Variants in CDH5 observed in about 807,000 individuals in gnomAD.
CDH5 encodes the protein cadherin 5.
CDH5 carries 28 observed loss-of-function variants against 62.0 expected under a neutral mutation model. That is an observed-to-expected ratio of 0.45 (90% confidence interval 0.33 to 0.62). The LOEUF (loss-of-function observed/expected upper bound fraction) is 0.62. Ranked by LOEUF, CDH5 falls within the 20% of genes least tolerant of loss-of-function variation. The pLI, the probability that CDH5 is intolerant of heterozygous loss-of-function variation, is 0.02. For missense variants in CDH5, 940 were observed against 1,065.1 expected (o/e 0.88, Z 1.63); for synonymous variants, 464 against 445.8 (o/e 1.04, Z -0.52).
At chr16:66,392,795 T>C in intron 7 of CDH5, 1 of 184,612 alleles carries the variant, frequency 5.4e-6, no homozygotes, top group East Asian at 1.6e-4. Flanking sequence ...TTTTATACAG[T>C]GAAACAACAC....
intron 2 of CDH5, among the ~76,000 whole-genome samples, chr16:66,386,439 T>A (rs2142325194): frequency 6.6e-6 from 1 of 152,218 alleles, no homozygotes; most frequent in Non-Finnish European, 1.5e-5. Flanking sequence ...CAACCTCCCC[T>A]CTTTTGGAGT....
chr16:66,386,161 T>G (rs960888823), intron 2 of CDH5, among the ~76,000 whole-genome samples: 3 of 152,154 alleles, frequency 2.0e-5, no homozygotes, highest in African/African-American at 7.2e-5. Context: ...ACTCAAAAAA[T>G]GTTTTCTAAG....
intron 1 of CDH5, among the ~76,000 whole-genome samples, chr16:66,369,376 T>C (rs1321089149): frequency 6.6e-6 from 1 of 152,176 alleles, no homozygotes; most frequent in East Asian, 1.9e-4. Flanking sequence ...ACCTGCACCC[T>C]TACTGAGCAC....
intron 1 of CDH5, among the ~76,000 whole-genome samples, chr16:66,378,698 C>A (rs573213985): frequency 3.9e-5 from 6 of 152,190 alleles, no homozygotes; most frequent in Non-Finnish European, 8.8e-5. Context: ...CCCACAGGCC[C>A]TCCTCTGGGC....
intron 1 of CDH5, among the ~76,000 whole-genome samples, chr16:66,373,635 T>C (rs1960732883): frequency 6.6e-6 from 1 of 152,118 alleles, no homozygotes; most frequent in Non-Finnish European, 1.5e-5. Context: ...CAGGCTGGTC[T>C]CGAACTCCTG....
At chr16:66,379,588 T>C in intron 2 of CDH5, 41 bp downstream of exon 2, 5 of 1,567,878 alleles carry the variant, frequency 3.2e-6, no homozygotes, top group Non-Finnish European at 4.4e-6. Flanking sequence ...CATCAGCAGC[T>C]GGCCCATAGT....
chr16:66,378,922 G>A (rs1960832869), intron 1 of CDH5, among the ~76,000 whole-genome samples: 1 of 152,216 alleles, frequency 6.6e-6, no homozygotes, highest in Non-Finnish European at 1.5e-5. Flanking sequence ...TTAGGCAGTG[G>A]CCACCATATA....
In CDH5 at chr16:66,402,659, C is replaced by G. The variant is rs1464312477; in HGVS notation, c.1845C>G (p.Thr615=). ...TCGGCTCCCTGGCTGCAGTGATCAC[C>G]CTGCTCATCTTCCTGCGGCGGCGGC... is the stretch of plus-strand genomic sequence containing the variant. ...LLCILTITVI[T]LLIFLRRRLR... Residue 615 remains threonine (T), a synonymous_variant, in exon 12 of 12, where the codon ACC becomes ACG. Transcript: ENST00000341529. The G allele has an allele frequency of 6.3e-7, 1 of 1,591,846 alleles. No individual in the cohort carries two copies. Among genetic ancestry groups the G allele is most frequent in the Non-Finnish European group, 8.5e-7 (1 of 1,170,992 alleles).
intron 7 of CDH5, chr16:66,395,568 T>C (rs1961170156): frequency 6.8e-6 from 1 of 147,774 alleles, no homozygotes; most frequent in Non-Finnish European, 1.5e-5. Flanking sequence ...TCCTCATTAA[T>C]AGCAACTATT....
chr16:66,403,357 G>A lies in CDH5; in HGVS notation c.*188G>A, dbSNP rs1165276462. ...GTTCCTGAAATATCCAGGAATATAT[G>A]TCAGTGATGACTATTCTCAAATGCT... is the stretch of plus-strand genomic sequence containing the variant. On this transcript the variant is annotated 3_prime_UTR_variant, in exon 12 of 12. Coordinates refer to ENST00000341529, the MANE Select transcript of CDH5 (RefSeq NM_001795.5). The surrounding 1 kb of genome is among the most constrained non-coding windows in gnomAD (Gnocchi z 4.3). 1.7e-6 allele frequency: 1 copy of A among 601,902 alleles called. No individual in the cohort carries two copies. The highest frequency in any genetic ancestry group is 2.9e-6 in the Non-Finnish European group (1 of 340,204). 37.3% of individuals were successfully genotyped at this position (601,902 alleles called of 1,614,324 possible). A position where few individuals can be genotyped will look rare whatever the true frequency, so the allele number is the denominator to read the frequency against.
intron 1 of CDH5, among the ~76,000 whole-genome samples, chr16:66,368,122 G>A (rs957102365): frequency 2.6e-5 from 4 of 152,202 alleles, no homozygotes; most frequent in Non-Finnish European, 5.9e-5. Context: ...TCTCATGTGT[G>A]ATGGGCAGAT....
intron 7 of CDH5, chr16:66,392,752 T>C (rs1412941678): frequency 4.4e-6 from 1 of 225,722 alleles, no homozygotes; most frequent in African/African-American, 2.2e-5. Context: ...CTTGAATCTA[T>C]CTTCCCCAAA....
At chr16:66,382,430 C>G (rs768188514) in intron 2 of CDH5, among the ~76,000 whole-genome samples, 1 of 152,174 alleles carries the variant, frequency 6.6e-6, no homozygotes, top group South Asian at 2.1e-4. Flanking sequence ...GGAAAACCAG[C>G]ATTCCTGACT....
intron 2 of CDH5, among the ~76,000 whole-genome samples, chr16:66,384,082 T>C (rs1960941918): frequency 1.5e-5 from 2 of 133,032 alleles, no homozygotes; most frequent in African/African-American, 2.9e-5. Flanking sequence ...TCCAGCCTTT[T>C]TTTTTTTTTT....
At chr16:66,395,327 A>C (rs934494451) in intron 7 of CDH5, 3 of 151,018 alleles carry the variant, frequency 2.0e-5, no homozygotes, top group African/African-American at 7.3e-5. Context: ...TTTCCTCATA[A>C]GGAAATTATT....
At chr16:66,384,390 C>G (rs920259226) in intron 2 of CDH5, among the ~76,000 whole-genome samples, 1 of 151,476 alleles carries the variant, frequency 6.6e-6, no homozygotes, top group East Asian at 2.0e-4. Flanking sequence ...CACCATGCCC[C>G]CCGAGTCCAG....
chr16:66,394,164 G>A (rs923827738), intron 7 of CDH5, among the ~76,000 whole-genome samples: 1 of 152,058 alleles, frequency 6.6e-6, no homozygotes, highest in Non-Finnish European at 1.5e-5. Context: ...AGTTAACAAA[G>A]GTTTGCAACT....
At chr16:66,396,628 T>C (rs1398852743) in intron 8 of CDH5, among the ~76,000 whole-genome samples, 3 of 152,162 alleles carry the variant, frequency 2.0e-5, no homozygotes, top group East Asian at 1.9e-4. Context: ...GTTTGGGAAA[T>C]GTTCCTTCAG....
In CDH5 at chr16:66,386,918, G is replaced by A; in HGVS notation, c.320G>A (p.Arg107Lys). The A allele has an allele frequency of 6.2e-7, 1 of 1,614,228 alleles. No individual in the cohort carries two copies. Residue 107 changes from arginine (R) to lysine (K), a missense_variant, in exon 3 of 12, where the codon AGG becomes AAG. Transcript: ENST00000341529. ...AETGDVFAIE[R>K]LDRENISEYH... Reference sequence around the variant, plus strand: ...ACAGGAGACGTGTTCGCCATTGAGAGGCTGGACCGGGAGAATATCTCAGAG... The same window carrying A: ...ACAGGAGACGTGTTCGCCATTGAGAAGCTGGACCGGGAGAATATCTCAGAG...
Sources: allele counts gnomAD v4.1 joint callset (sites outside exome capture counted in the v4.1 genomes callset), GRCh38; gene constraint gnomAD v4.1.1; non-coding constraint Gnocchi (gnomAD v3.1); transcripts MANE v1.5; gene names NCBI Gene and HGNC (gene_info 2026-07-23, HGNC 2026-07-21).